Variants in KAZN observed in about 807,000 individuals in gnomAD.
KAZN encodes the protein kazrin, periplakin interacting protein, also known as kazrin.
A neutral mutation model predicts 87.4 loss-of-function variants in KAZN; 40 were observed. The observed-to-expected ratio is 0.46, with a 90% CI of 0.36 to 0.60. The LOEUF (loss-of-function observed/expected upper bound fraction) is 0.60, where lower values mean the gene tolerates loss of function less well. Ranked by LOEUF, KAZN falls within the 20% of genes least tolerant of loss-of-function variation. The pLI is 0.00. For missense variants in KAZN, 898 were observed against 1,073.9 expected (o/e 0.84, Z 2.29); for synonymous variants, 466 against 458.3 (o/e 1.02, Z -0.22).
intron 1 of KAZN, among the ~76,000 whole-genome samples, chr1:14,728,700 A>G (rs1451270961): frequency 2.6e-5 from 4 of 152,116 alleles, no homozygotes; most frequent in African/African-American, 9.7e-5. Context: ...CCTAGGATAC[A>G]CCCATGAGGA....
chr1:14,905,812 C>T (rs1656465307), intron 1 of KAZN, among the ~76,000 whole-genome samples: 1 of 151,100 alleles, frequency 6.6e-6, no homozygotes, highest in Admixed American at 6.6e-5. Context: ...CACTGCACTC[C>T]AGCCTGGGCG....
intron 2 of KAZN, among the ~76,000 whole-genome samples, chr1:14,386,549 A>G (rs1471756554): frequency 1.3e-5 from 2 of 151,912 alleles, no homozygotes; most frequent in Non-Finnish European, 2.9e-5. Flanking sequence ...TCTGTAAAGT[A>G]GTTTATTTCT....
At chr1:15,001,969 C>T (rs1244601882) in intron 2 of KAZN, among the ~76,000 whole-genome samples, 2 of 149,572 alleles carry the variant, frequency 1.3e-5, no homozygotes, top group African/African-American at 5.0e-5. Context: ...CAAGCTCCGC[C>T]TCCTGGGTTC....
rs561769306 is a variant in KAZN, at chr1:14,711,856, C to A, written c.226+112633C>A. On this transcript the variant is annotated intron_variant, in intron 1 of 14. Coordinates refer to ENST00000376030, the MANE Select transcript of KAZN (RefSeq NM_201628.3). ...AGGACTCAGAGGGCCCAAAAGTCTG[C>A]GACCAGATCCTGGTGCACAGAAACT... is the stretch of plus-strand genomic sequence containing the variant. Among the ~76,000 whole-genome samples, 5 of 152,288 alleles carry A rather than the reference C, an allele frequency of 3.3e-5. No individual in the cohort carries two copies. The South Asian group carries it at 6.2e-4, about 19-fold the overall frequency.
rs77198892 is a variant in KAZN, at chr1:14,408,121, G to A, written c.250-190862G>A. On this transcript the variant is annotated intron_variant, in intron 2 of 16. Coordinates refer to the KAZN transcript ENST00000636203. ...TGATCCCCAATTAGGACCTATTAAG[G>A]TGAGAAATCTCTTGATTTGGTCATA... Among the ~76,000 whole-genome samples, 663 of 152,302 alleles carry A rather than the reference G, an allele frequency of 4.4e-3. 9 individuals are homozygous for A. The highest frequency in any genetic ancestry group is 0.014 in the Middle Eastern group (4 of 294).
At chr1:15,110,083 G>C (rs1158909506) in intron 13 of KAZN, among the ~76,000 whole-genome samples, 1 of 150,812 alleles carries the variant, frequency 6.6e-6, no homozygotes, top group Non-Finnish European at 1.5e-5. Flanking sequence ...GTGTATGTGT[G>C]TATATGTATG....
chr1:14,022,224 G>A (rs1182609154), intron 1 of KAZN, among the ~76,000 whole-genome samples: 2 of 151,786 alleles, frequency 1.3e-5, no homozygotes. Context: ...GACAAAAATT[G>A]ACTTTTCTTT....
At chr1:15,009,515 A>T (rs1669371894) in intron 2 of KAZN, among the ~76,000 whole-genome samples, 1 of 152,164 alleles carries the variant, frequency 6.6e-6, no homozygotes, top group South Asian at 2.1e-4. Flanking sequence ...AGCTGCAATG[A>T]GCCCAGTCCT....
chr1:15,042,193 C>G (rs1222218234), intron 3 of KAZN, among the ~76,000 whole-genome samples: 1 of 152,190 alleles, frequency 6.6e-6, no homozygotes, highest in East Asian at 1.9e-4. Flanking sequence ...AGTGGGGCTT[C>G]CTCCTAATTC....
chr1:14,746,207 A>G (rs1465298134), intron 1 of KAZN, among the ~76,000 whole-genome samples: 1 of 146,982 alleles, frequency 6.8e-6, no homozygotes, highest in African/African-American at 2.5e-5. Context: ...CCAGCTTTAC[A>G]GTCACTAAGG....
intron 1 of KAZN, among the ~76,000 whole-genome samples, chr1:13,965,742 A>G (rs547612626): frequency 1.3e-5 from 2 of 152,264 alleles, no homozygotes; most frequent in East Asian, 3.9e-4. Context: ...GCTGCGTCTT[A>G]ATTATCTCTA....
At chr1:13,938,837 T>C (rs1640835392) in intron 1 of KAZN, among the ~76,000 whole-genome samples, 1 of 152,244 alleles carries the variant, frequency 6.6e-6, no homozygotes, top group South Asian at 2.1e-4. Flanking sequence ...CATGTGGAAG[T>C]TGCCAAGGCC....
At position 14,866,391 on chromosome 1, in the gene KAZN, T is replaced by C. The variant is rs533406588; in HGVS notation, c.227-94293T>C. Reference sequence around the variant, plus strand: ...CTGGTCAAGGTCTATGCCCATCTTGTCATCCTTCTGTCCCTGGAGCCTGGC... The same window carrying C: ...CTGGTCAAGGTCTATGCCCATCTTGCCATCCTTCTGTCCCTGGAGCCTGGC... On this transcript the variant is annotated intron_variant, in intron 1 of 14. Coordinates refer to ENST00000376030, the MANE Select transcript of KAZN (RefSeq NM_201628.3). 3.3e-5 allele frequency among the ~76,000 whole-genome samples: 5 copies of C among 152,338 alleles called. No individual in the cohort carries two copies. The South Asian group carries it at 1.0e-3, about 32-fold the overall frequency.
In KAZN at chr1:14,749,151, A is replaced by G. The variant is rs151008639; in HGVS notation, c.226+149928A>G. On this transcript the variant is annotated intron_variant, in intron 1 of 14. Transcript: ENST00000376030. ...CATGCTATTGCTTCCCGCAGCAGACATTACTAATTGATCCCAGAACTCACA... is the reference window on the plus strand; with the variant it reads ...CATGCTATTGCTTCCCGCAGCAGACGTTACTAATTGATCCCAGAACTCACA... Among the ~76,000 whole-genome samples, 73 of 152,300 alleles carry G rather than the reference A, an allele frequency of 4.8e-4. 2 individuals are homozygous for G. Among genetic ancestry groups the G allele is most frequent in the African/African-American group, 1.7e-3 (71 of 41,572 alleles).
chr1:14,910,136 C>T (rs1657089832), intron 1 of KAZN, among the ~76,000 whole-genome samples: 1 of 152,146 alleles, frequency 6.6e-6, no homozygotes, highest in South Asian at 2.1e-4. Flanking sequence ...CCTGGCTCTC[C>T]AGAAGGCTCT....
intron 12 of KAZN, 128 bp downstream of exon 12, chr1:15,103,588 TC>T: frequency 1.4e-6 from 1 of 701,570 alleles, no homozygotes; most frequent in Non-Finnish European, 2.6e-6. Flanking sequence ...AATGGGCAAA[TC>T]CCACACAAAT....
intron 1 of KAZN, among the ~76,000 whole-genome samples, chr1:14,713,626 AC>A (rs1642606499): frequency 6.6e-6 from 1 of 151,928 alleles, no homozygotes; most frequent in South Asian, 2.1e-4. Context: ...GCAAAGACTT[AC>A]CTGGCCCCAA....
At chr1:14,729,933 G>T (rs576479008) in intron 1 of KAZN, among the ~76,000 whole-genome samples, 1 of 152,246 alleles carries the variant, frequency 6.6e-6, no homozygotes, top group South Asian at 2.1e-4. Flanking sequence ...TGACTATAAA[G>T]CTTTATTGGA....
chr1:14,897,067 T>C (rs1307822419), intron 1 of KAZN, among the ~76,000 whole-genome samples: 5 of 152,252 alleles, frequency 3.3e-5, no homozygotes, highest in Non-Finnish European at 4.4e-5. Flanking sequence ...TAGGTTGACC[T>C]AATCACGGCT....
Sources: allele counts gnomAD v4.1 joint callset (sites outside exome capture counted in the v4.1 genomes callset), GRCh38; gene constraint gnomAD v4.1.1; transcripts MANE v1.5; gene names NCBI Gene and HGNC (gene_info 2026-07-23, HGNC 2026-07-21).